The following ATM variants were observed in gnomAD, a reference collection of about 807,000 sequenced individuals.
ATM encodes serine-protein kinase ATM.
ATM carries 308 observed loss-of-function variants against 387.0 expected under a neutral mutation model. The ratio of observed to expected loss-of-function variants is 0.80; its 90% CI spans 0.73 to 0.87. The LOEUF is 0.87. Among genes scored for constraint, ATM ranks in the 40% least tolerant of loss-of-function variants. ATM has a pLI of 0.00. For missense variants in ATM, 3,312 were observed against 3,560.9 expected, an observed-to-expected ratio of 0.93 and a Z score of 1.78; for synonymous variants, 1,156 against 1,187.3, an observed-to-expected ratio of 0.97 and a Z score of 0.54.
rs778341014 is a variant in ATM at position 108,310,366 on chromosome 11, C to T, written c.5918+51C>T. Reference sequence around the variant, plus strand: ...TTTAAAATTAATGTTGGCATTGTCTCAATAAGGGTATATAGTAAAGATTTA... The same window carrying T: ...TTTAAAATTAATGTTGGCATTGTCTTAATAAGGGTATATAGTAAAGATTTA... On this transcript the variant is annotated intron_variant, in intron 39 of 62. Coordinates refer to ENST00000675843, the MANE Select transcript of ATM (RefSeq NM_000051.4). 4 of 1,527,918 alleles carry T rather than the reference C, an allele frequency of 2.6e-6. No individual in the cohort carries two copies. In the South Asian group the frequency reaches 3.4e-5, roughly 13 times the overall value. The allele number at this position is 1,527,918 out of a possible 1,614,324, so 94.6% of individuals were successfully genotyped here.
intron 16 of ATM, among the ~76,000 whole-genome samples, chr11:108,266,668 T>C (rs2081264832): frequency 6.6e-6 from 1 of 152,176 alleles, no homozygotes; most frequent in Non-Finnish European, 1.5e-5. Flanking sequence ...GTTTGCATAT[T>C]ATTTTGTTAT....
chr11:108,297,505 G>A (rs939693725), intron 33 of ATM, 123 bp downstream of exon 33: 6 of 843,640 alleles, frequency 7.1e-6, no homozygotes, highest in Admixed American at 4.1e-5. Flanking sequence ...ATAGTAACAT[G>A]CTATACAGGT....
intron 16 of ATM, among the ~76,000 whole-genome samples, chr11:108,263,421 T>A (rs1344901860): frequency 5.4e-5 from 6 of 111,538 alleles, no homozygotes; most frequent in African/African-American, 1.0e-4. Flanking sequence ...GAAATAAAGA[T>A]GTTCTTTGAA....
Position 108,287,721 on chromosome 11 carries a change from T to G in ATM, c.4109+6T>G, listed in dbSNP as rs368606937. 1.2e-6 allele frequency: 2 copies of G among 1,600,508 alleles called. No individual in the cohort carries two copies. The highest frequency in any genetic ancestry group is 1.7e-6 in the Non-Finnish European group (2 of 1,168,284). On this transcript the variant is annotated splice_donor_region_variant and intron_variant, in intron 27 of 62. Transcript: ENST00000675843. ...GACCTCTGTGACTTTTCAGGGTATG[T>G]ACATTTTAAACTTAGAGAACTAGCT... is the stretch of plus-strand genomic sequence containing the variant.
At chr11:108,234,796 A>AT (rs2079185851) in intron 4 of ATM, among the ~76,000 whole-genome samples, 1 of 152,012 alleles carries the variant, frequency 6.6e-6, no homozygotes, top group Non-Finnish European at 1.5e-5. Flanking sequence ...GGGTGTGATC[A>AT]TGCCACTGCA....
intron 16 of ATM, among the ~76,000 whole-genome samples, chr11:108,260,480 G>C (rs1468444601): frequency 1.3e-5 from 2 of 152,216 alleles, no homozygotes; most frequent in African/African-American, 4.8e-5. Context: ...CAGTAGACTT[G>C]CTTGTTCAAA....
chr11:108,263,390 G>A (rs1244813325), intron 16 of ATM, among the ~76,000 whole-genome samples: 2 of 142,200 alleles, frequency 1.4e-5, no homozygotes, highest in African/African-American at 2.6e-5. Flanking sequence ...TGACTACTGG[G>A]TACATAACGA....
At chr11:108,280,460 G>A (rs2082173453) in intron 23 of ATM, among the ~76,000 whole-genome samples, 1 of 151,978 alleles carries the variant, frequency 6.6e-6, no homozygotes, top group Non-Finnish European at 1.5e-5. Context: ...CAAGAACTTG[G>A]ATCTTTTATA....
Position 108,227,904 on chromosome 11 carries a change from T to C in ATM, c.185+16T>C, listed in dbSNP as rs1343329254. The stretch of plus-strand genomic sequence containing the variant: ...CTGTTTTTAGGTATTCTATTCAAAT[T>C]TATTTTACTGTCTTTATTTTTCTCT... On this transcript the variant is annotated intron_variant, in intron 3 of 62. Transcript: ENST00000675843. 1.6e-5 allele frequency: 25 copies of C among 1,575,018 alleles called. No homozygotes were observed. Among genetic ancestry groups the C allele is most frequent in the Non-Finnish European group, 2.2e-5 (25 of 1,147,630 alleles).
rs182422839 is a variant in ATM, at chr11:108,245,683, C to T, written c.901+657C>T. Among the ~76,000 whole-genome samples, 8 of 152,108 alleles carry T rather than the reference C, an allele frequency of 5.3e-5. No individual in the cohort carries two copies. In the East Asian group the frequency reaches 1.5e-3, roughly 29 times the overall value. On this transcript the variant is annotated intron_variant, in intron 7 of 62. Transcript: ENST00000675843. ...CTTTATTGGCTGGAACTGGAGTTTCCTCTTGCTCTGTCTATGATTGCCTTT... is the reference window on the plus strand; with the variant it reads ...CTTTATTGGCTGGAACTGGAGTTTCTTCTTGCTCTGTCTATGATTGCCTTT...
At chr11:108,266,340 A>G (rs1364701379) in intron 16 of ATM, among the ~76,000 whole-genome samples, 3 of 152,090 alleles carry the variant, frequency 2.0e-5, no homozygotes, top group Non-Finnish European at 2.9e-5. Context: ...TGTTAGGGAC[A>G]TGGATGAAAT....
chr11:108,337,805 G>A (rs2087016559), intron 56 of ATM, among the ~76,000 whole-genome samples: 1 of 152,220 alleles, frequency 6.6e-6, no homozygotes, highest in South Asian at 2.1e-4. Context: ...AGATGACAAA[G>A]ATAATAGGTG....
At chr11:108,231,408 C>T (rs1465748265) in intron 4 of ATM, 2 of 151,926 alleles carry the variant, frequency 1.3e-5, no homozygotes, top group African/African-American at 4.8e-5. Context: ...ATTTAAGAAT[C>T]AGGAGTGTGA....
Position 108,321,374 on chromosome 11 carries a change from T to C in ATM, c.6526T>C (p.Leu2176=), listed in dbSNP as rs143715818. Residue 2176 remains leucine (L), a synonymous_variant, in exon 45 of 63, where the codon TTG becomes CTG. Coordinates refer to ENST00000675843, the MANE Select transcript of ATM (RefSeq NM_000051.4). ...VYSLYPTLSR[L]QAIGELESIG... ...TTCGCTCTATCCCACACTTAGCAGG[T>C]TGCAGGCCATTGGAGAGCTGGAAAG... 1.9e-6 allele frequency: 3 copies of C among 1,614,214 alleles called. No homozygotes were observed. The African/African-American group carries it at 4.0e-5, about 22-fold the overall frequency.
Position 108,353,827 on chromosome 11 carries a change from C to A in ATM, c.8733C>A (p.Thr2911=), listed in dbSNP as rs1057523011. The A allele has an allele frequency of 4.3e-6, 7 of 1,614,010 alleles. No individual in the cohort carries two copies. The East Asian group carries it at 1.6e-4, about 36-fold the overall frequency. ...PTPETVPFRL[T]RDIVDGMGIT... ...CTGAGACAGTTCCTTTTAGACTCACCAGAGATATTGTGGATGGCATGGGCA... is the reference window on the plus strand; with the variant it reads ...CTGAGACAGTTCCTTTTAGACTCACAAGAGATATTGTGGATGGCATGGGCA... The change falls in exon 60 of 63, where the codon ACC becomes ACA. Residue 2911 remains threonine, a synonymous_variant. Coordinates refer to ENST00000675843, the MANE Select transcript of ATM (RefSeq NM_000051.4).
intron 13 of ATM, among the ~76,000 whole-genome samples, chr11:108,254,708 A>C (rs2080365540): frequency 6.6e-6 from 1 of 152,178 alleles, no homozygotes; most frequent in South Asian, 2.1e-4. Flanking sequence ...GCTGGAGTGC[A>C]GTGACGTGAT....
At chr11:108,340,171 A>T (rs893787942) in intron 56 of ATM, 2 of 152,094 alleles carry the variant, frequency 1.3e-5, no homozygotes, top group African/African-American at 2.4e-5. Flanking sequence ...TTTTACTTTT[A>T]TTATTATGGA....
intron 51 of ATM, 34 bp from the exon 52 acceptor site, chr11:108,331,845 T>C (rs747021157): frequency 8.1e-6 from 13 of 1,605,330 alleles, no homozygotes; most frequent in Non-Finnish European, 1.1e-5. Flanking sequence ...TTTTTTTGTT[T>C]ATTTGCATAA....
chr11:108,227,688 G>C lies in ATM; in HGVS notation c.64G>C (p.Glu22Gln), dbSNP rs2078810264. ...TCAACTAGAACATGATAGAGCTACA[G>C]AACGAAAGGTAGTAAATTACTTAAA... ...CRQLEHDRAT[E>Q]RKKEVEKFKR... Residue 22 changes from glutamate (E) to glutamine (Q), a missense_variant, in exon 2 of 63, where the codon GAA becomes CAA. This residue lies in a region of ATM where 1,791 missense variants were observed against 1,804.5 expected (regional missense o/e 0.99). Coordinates refer to ENST00000675843, the MANE Select transcript of ATM (RefSeq NM_000051.4). 1 of 1,613,520 alleles carries C rather than the reference G, an allele frequency of 6.2e-7. No individual in the cohort carries two copies. Among genetic ancestry groups the C allele is most frequent in the Non-Finnish European group, 8.5e-7 (1 of 1,179,806 alleles).
Sources: gnomAD v4.1 joint callset for allele counts (sites outside exome capture counted in the v4.1 genomes callset) on GRCh38, gnomAD v4.1.1 for gene constraint, gnomAD v4.1.1 regional missense constraint, MANE v1.5 for transcripts, NCBI Gene and HGNC (gene_info 2026-07-23, HGNC 2026-07-21) for gene names.